RBFOX3: variants seen among roughly 807,000 people sequenced by gnomAD.
The protein encoded by RBFOX3 is RNA binding protein fox-1 homolog 3.
Under a neutral mutation model 48.7 loss-of-function variants are expected in RBFOX3, and 17 were observed. The observed-to-expected ratio is 0.35, with a 90% CI of 0.24 to 0.52. RBFOX3 has a LOEUF of 0.52. RBFOX3 is among the 20% of genes least tolerant of loss of function. The pLI is 0.94. For synonymous variants in RBFOX3, 212 were observed against 209.5 expected, an observed-to-expected ratio of 1.01 and a Z score of -0.10; for missense variants, 382 against 497.5, an observed-to-expected ratio of 0.77 and a Z score of 2.21.
intron 2 of RBFOX3, among the ~76,000 whole-genome samples, chr17:79,378,284 G>A (rs1200524685): frequency 2.0e-5 from 3 of 152,126 alleles, no homozygotes; most frequent in Admixed American, 2.0e-4. Context: ...TCCTAGAAGA[G>A]TCCAAGAGGG....
chr17:79,201,205 C>T (rs552036095), intron 4 of RBFOX3, among the ~76,000 whole-genome samples: 9 of 152,168 alleles, frequency 5.9e-5, no homozygotes, highest in East Asian at 5.8e-4. Context: ...ACACAGAGTC[C>T]GTCCGCCCAC....
intron 14 of RBFOX3, among the ~76,000 whole-genome samples, chr17:79,093,952 A>G (rs910216455): frequency 9.9e-5 from 15 of 152,144 alleles, no homozygotes; most frequent in Non-Finnish European, 1.8e-4. Flanking sequence ...GCCAGGAGCT[A>G]GAGCCTGGTG....
intron 1 of RBFOX3, among the ~76,000 whole-genome samples, chr17:79,548,399 G>A (rs1050847044): frequency 2.6e-5 from 4 of 152,218 alleles, no homozygotes; most frequent in Non-Finnish European, 2.9e-5. Flanking sequence ...CCAAGTCAGC[G>A]TCCTGCCTGT....
chr17:79,103,352 G>A lies in RBFOX3; in HGVS notation c.415-98C>T. ...AAGAAGAGGAGTGGGAGGGGGGCAG[G>A]GGAGTGGGGAGAGAGAGAGAAGGGG... On this transcript the variant is annotated intron_variant, in intron 7 of 14. Transcript: ENST00000693108. The surrounding 1 kb of genome is among the most constrained non-coding windows in gnomAD (Gnocchi z 6.1). 2 of 790,944 alleles carry A rather than the reference G, an allele frequency of 2.5e-6. No individual in the cohort carries two copies. The highest frequency in any genetic ancestry group is 2.7e-5 in the East Asian group (1 of 37,204). The allele number at this position is 790,944 out of a possible 1,614,324, so 49.0% of individuals were successfully genotyped here.
chr17:79,304,273 T>C (rs1371596370), intron 3 of RBFOX3, among the ~76,000 whole-genome samples: 1 of 152,010 alleles, frequency 6.6e-6, no homozygotes, highest in Non-Finnish European at 1.5e-5. Context: ...AATAGCAACC[T>C]ATAAATATGT....
chr17:79,463,921 G>GCCATCA (rs2075969366), intron 2 of RBFOX3, among the ~76,000 whole-genome samples: 1 of 102,558 alleles, frequency 9.8e-6, no homozygotes, highest in South Asian at 3.2e-4. Flanking sequence ...CACCACCATT[G>GCCATCA]CCACTGCCAC....
intron 1 of RBFOX3, among the ~76,000 whole-genome samples, chr17:79,585,214 C>T (rs1021397028): frequency 6.6e-6 from 1 of 152,148 alleles, no homozygotes; most frequent in South Asian, 2.1e-4. Context: ...TGTAACCAAA[C>T]ACCACCTGTT....
chr17:79,216,413 G>A (rs548354141), intron 4 of RBFOX3, among the ~76,000 whole-genome samples: 4 of 152,286 alleles, frequency 2.6e-5, no homozygotes, highest in Middle Eastern at 3.4e-3. Context: ...CACCTGGAGG[G>A]CCTGGAGTGG....
intron 4 of RBFOX3, among the ~76,000 whole-genome samples, chr17:79,138,557 C>G (rs1227848740): frequency 6.6e-6 from 1 of 152,114 alleles, no homozygotes; most frequent in Non-Finnish European, 1.5e-5. Context: ...CCTGAGCACA[C>G]ACAACCAAAA....
intron 14 of RBFOX3, chr17:79,092,278 C>T: frequency 1.0e-6 from 1 of 985,514 alleles, no homozygotes; most frequent in Non-Finnish European, 1.2e-6. Context: ...CCTGGCCCAG[C>T]CTGGACCCCA....
At chr17:79,337,167 AC>A (rs2081324819) in intron 2 of RBFOX3, among the ~76,000 whole-genome samples, 1 of 152,220 alleles carries the variant, frequency 6.6e-6, no homozygotes, top group East Asian at 1.9e-4. Context: ...TGACTCTCAC[AC>A]CACGGGAAAG....
chr17:79,130,708 G>T (rs2038621489), intron 4 of RBFOX3, among the ~76,000 whole-genome samples: 1 of 152,232 alleles, frequency 6.6e-6, no homozygotes, highest in African/African-American at 2.4e-5. Flanking sequence ...GGACAAGCCT[G>T]GGTCTCACAG....
At chr17:79,152,639 G>A (rs961638398) in intron 4 of RBFOX3, among the ~76,000 whole-genome samples, 1 of 152,218 alleles carries the variant, frequency 6.6e-6, no homozygotes, top group Admixed American at 6.5e-5. Flanking sequence ...AGGGTCCCCA[G>A]AAGGAGACGG....
At chr17:79,277,526 C>T (rs1465953581) in intron 3 of RBFOX3, among the ~76,000 whole-genome samples, 3 of 152,234 alleles carry the variant, frequency 2.0e-5, no homozygotes, top group Non-Finnish European at 4.4e-5. Flanking sequence ...CATAAATTAA[C>T]CCGCAGCCCA....
At chr17:79,281,892 G>A (rs1236133703) in intron 3 of RBFOX3, among the ~76,000 whole-genome samples, 2 of 152,170 alleles carry the variant, frequency 1.3e-5, no homozygotes, top group Admixed American at 6.5e-5. Context: ...AGCCATCATC[G>A]GGGAAACGAA....
chr17:79,318,079 T>C (rs1009851171), intron 2 of RBFOX3, among the ~76,000 whole-genome samples: 1 of 152,228 alleles, frequency 6.6e-6, no homozygotes, highest in Non-Finnish European at 1.5e-5. Context: ...CTAAACTGCC[T>C]GGCTGCTGCT....
chr17:79,237,121 C>G (rs2061722288), intron 3 of RBFOX3, among the ~76,000 whole-genome samples: 1 of 152,196 alleles, frequency 6.6e-6, no homozygotes, highest in Non-Finnish European at 1.5e-5. Flanking sequence ...AGATGCCACT[C>G]CCTGCCCCCA....
intron 3 of RBFOX3, among the ~76,000 whole-genome samples, chr17:79,289,342 G>C (rs748243833): frequency 6.6e-6 from 1 of 152,184 alleles, no homozygotes; most frequent in Admixed American, 6.5e-5. Context: ...TTTCTGCCCC[G>C]GCCCTTAGTG....
chr17:79,274,494 C>T (rs1029809988), intron 3 of RBFOX3, among the ~76,000 whole-genome samples: 4 of 152,140 alleles, frequency 2.6e-5, no homozygotes, highest in Admixed American at 6.5e-5. Flanking sequence ...GCTGTGAGGC[C>T]GAGGAGTTGA....
Sources: allele counts gnomAD v4.1 joint callset (sites outside exome capture counted in the v4.1 genomes callset), GRCh38; gene constraint gnomAD v4.1.1; non-coding constraint Gnocchi (gnomAD v3.1); transcripts MANE v1.5; gene names NCBI Gene and HGNC (gene_info 2026-07-23, HGNC 2026-07-21).